Variants in BTBD7 observed in about 807,000 individuals in gnomAD.
BTBD7 encodes BTB/POZ domain-containing protein 7.
In BTBD7, 38 loss-of-function variants were observed where a neutral mutation model predicts 99.9. The ratio of observed to expected loss-of-function variants is 0.38; its 90% CI spans 0.29 to 0.50. BTBD7 has a LOEUF of 0.50. Among genes scored for constraint, BTBD7 ranks in the 20% least tolerant of loss-of-function variants. BTBD7 has a pLI of 0.93. For synonymous variants in BTBD7, 520 were observed against 511.4 expected (o/e 1.02, Z -0.23); for missense variants, 1,170 against 1,394.6 (o/e 0.84, Z 2.57).
chr14:93,271,144 TCTC>T (rs2052596544), intron 3 of BTBD7, among the ~76,000 whole-genome samples: 1 of 152,196 alleles, frequency 6.6e-6, no homozygotes, highest in Admixed American at 6.5e-5. Context: ...AATTTTTGTT[TCTC>T]CTCTTCATGT....
At chr14:93,258,631 C>T (rs186591398) in intron 5 of BTBD7, among the ~76,000 whole-genome samples, 2 of 152,216 alleles carry the variant, frequency 1.3e-5, no homozygotes, top group African/African-American at 4.8e-5. Flanking sequence ...GTTGCCCAGG[C>T]TAGAGTGCAG....
intron 1 of BTBD7, among the ~76,000 whole-genome samples, chr14:93,298,075 T>C (rs1420822498): frequency 6.6e-6 from 1 of 152,210 alleles, no homozygotes; most frequent in Non-Finnish European, 1.5e-5. Context: ...GCTTTTTTAT[T>C]TCTATTGACT....
chr14:93,302,347 G>A (rs954495927), intron 1 of BTBD7, among the ~76,000 whole-genome samples: 1 of 152,130 alleles, frequency 6.6e-6, no homozygotes, highest in South Asian at 2.1e-4. Flanking sequence ...ACGAAAAAAT[G>A]CTAGTGGGGG....
At position 93,239,815 on chromosome 14, in the gene BTBD7, T is replaced by G. The variant is rs551714513; in HGVS notation, c.*2458A>C. ...TTTATATTTCAGGGATATGAGAGAA[T>G]AGTTCATGAATTTTCAGAAAAATGA... On this transcript the variant is annotated 3_prime_UTR_variant, in exon 11 of 11. Coordinates refer to ENST00000334746, the MANE Select transcript of BTBD7 (RefSeq NM_001002860.4). 1.3e-5 allele frequency: 2 copies of G among 152,578 alleles called. No homozygotes were observed. The highest frequency in any genetic ancestry group is 3.9e-4 in the East Asian group (2 of 5,168). 9.5% of individuals were successfully genotyped at this position (152,578 alleles called of 1,614,324 possible).
At chr14:93,285,966 A>C (rs2052772323) in intron 3 of BTBD7, among the ~76,000 whole-genome samples, 2 of 152,320 alleles carry the variant, frequency 1.3e-5, no homozygotes, top group Middle Eastern at 3.4e-3. Flanking sequence ...TGGACTAAGG[A>C]AGGCTGCAGG....
chr14:93,332,825 A>G lies in BTBD7; in HGVS notation c.-112T>C. 6.8e-7 allele frequency: 1 copy of G among 1,476,352 alleles called. No individual in the cohort carries two copies. The highest frequency in any genetic ancestry group is 8.9e-7 in the Non-Finnish European group (1 of 1,120,042). The allele number at this position is 1,476,352 out of a possible 1,614,324, so 91.5% of individuals were successfully genotyped here. On this transcript the variant is annotated 5_prime_UTR_variant, in exon 1 of 11. Coordinates refer to ENST00000334746, the MANE Select transcript of BTBD7 (RefSeq NM_001002860.4). ...AGACACCAAGGGACACTCACCCCGGAGGCTCCTCCCGCCGCTGCTGCTGCC... is the reference window on the plus strand; with the variant it reads ...AGACACCAAGGGACACTCACCCCGGGGGCTCCTCCCGCCGCTGCTGCTGCC...
chr14:93,242,606 A>G lies in BTBD7; in HGVS notation c.3066T>C (p.Asn1022=). 1.9e-6 allele frequency: 3 copies of G among 1,614,192 alleles called. No homozygotes were observed. Among genetic ancestry groups the G allele is most frequent in the Non-Finnish European group, 2.5e-6 (3 of 1,180,046 alleles). Residue 1022 remains asparagine, a synonymous_variant, in exon 11 of 11, where the codon AAT becomes AAC. Transcript: ENST00000334746. Reference sequence around the variant, plus strand: ...CAACGACATCCAGGTGTATCGGCTCATTCTTTTGTCTGTGTAGATGCCCGT... The same window carrying G: ...CAACGACATCCAGGTGTATCGGCTCGTTCTTTTGTCTGTGTAGATGCCCGT... ...SPDGHLHRQK[N]EPIHLDVVEQ... is the part of the protein sequence containing the mutation.
At chr14:93,324,271 T>C (rs987125785) in intron 1 of BTBD7, among the ~76,000 whole-genome samples, 1 of 152,040 alleles carries the variant, frequency 6.6e-6, no homozygotes, top group Non-Finnish European at 1.5e-5. Context: ...ACCCTGCCTC[T>C]ACAAATAATT....
At chr14:93,255,989 T>A (rs1018387776) in intron 6 of BTBD7, 1 of 152,354 alleles carries the variant, frequency 6.6e-6, no homozygotes, top group African/African-American at 2.4e-5. Context: ...AAGTTTTGTT[T>A]TTATTTATTT....
intron 3 of BTBD7, among the ~76,000 whole-genome samples, chr14:93,279,275 T>A (rs1194230467): frequency 1.3e-5 from 2 of 152,196 alleles, no homozygotes; most frequent in African/African-American, 4.8e-5. Flanking sequence ...TACCTCTCTT[T>A]GCAACCCCAG....
At chr14:93,307,956 G>C (rs1049876553) in intron 1 of BTBD7, among the ~76,000 whole-genome samples, 1 of 152,100 alleles carries the variant, frequency 6.6e-6, no homozygotes, top group African/African-American at 2.4e-5. Flanking sequence ...ACTATTTCTT[G>C]GGATCCATAT....
chr14:93,291,230 A>C (rs2052851617), intron 3 of BTBD7, among the ~76,000 whole-genome samples: 1 of 152,104 alleles, frequency 6.6e-6, no homozygotes, highest in African/African-American at 2.4e-5. Flanking sequence ...TTAGCAGCTA[A>C]CATTTACTGA....
chr14:93,261,692 G>C lies in BTBD7; in HGVS notation c.1372-15C>G. 9 of 1,571,014 alleles carry C rather than the reference G, an allele frequency of 5.7e-6. No individual in the cohort carries two copies. The highest frequency in any genetic ancestry group is 7.8e-6 in the Non-Finnish European group (9 of 1,147,468). The stretch of plus-strand genomic sequence containing the variant: ...TGTTCACTTGCCTATAATAAAAAAT[G>C]GTTTATATTTATTTTAGTGAAATTA... On this transcript the variant is annotated splice_polypyrimidine_tract_variant and intron_variant, in intron 4 of 10. Coordinates refer to ENST00000334746, the MANE Select transcript of BTBD7 (RefSeq NM_001002860.4).
Position 93,294,559 on chromosome 14 carries a change from G to A in BTBD7, c.461C>T (p.Pro154Leu), listed in dbSNP as rs1289584901. 6.2e-7 allele frequency: 1 copy of A among 1,613,838 alleles called. No individual in the cohort carries two copies. The highest frequency in any genetic ancestry group is 8.5e-7 in the Non-Finnish European group (1 of 1,179,912). ...VDLIFQETCF[P>L]VHRAILAARC... ...TGCTGCCAAAATGGCACGATGAACA[G>A]GAAAACAAGTTTCTTGAAATATTAA... The change falls in exon 3 of 11, where the codon CCT becomes CTT. Residue 154 changes from proline to leucine, a missense_variant. Pro to Leu is a moderately conservative substitution (Grantham distance 98, BLOSUM62 -3). Coordinates refer to ENST00000334746, the MANE Select transcript of BTBD7 (RefSeq NM_001002860.4).
rs368551894 is a variant in BTBD7 at position 93,296,013 on chromosome 14, G to A, written c.39C>T (p.Ser13=). ...ANASNYPHSC[S]PRVGGNSQAQ... is the part of the protein sequence containing the mutation. ...CCTGTGAATTTCCCCCTACCCTCGG[G>A]GAACATGAATGAGGATAATTAGATG... The change falls in exon 2 of 11, where the codon TCC becomes TCT. Residue 13 remains serine, a synonymous_variant. Coordinates refer to ENST00000334746, the MANE Select transcript of BTBD7 (RefSeq NM_001002860.4). 69 of 1,613,864 alleles carry A rather than the reference G, an allele frequency of 4.3e-5. No individual in the cohort carries two copies. The highest frequency in any genetic ancestry group is 1.0e-4 in the Admixed American group (6 of 59,986).
At chr14:93,289,261 T>C (rs559830525) in intron 3 of BTBD7, among the ~76,000 whole-genome samples, 25 of 152,338 alleles carry the variant, frequency 1.6e-4, no homozygotes, top group African/African-American at 5.3e-4. Flanking sequence ...GCTCACTATA[T>C]GCAGAAGAAC....
chr14:93,332,580 G>A (rs1457036607), intron 1 of BTBD7, among the ~76,000 whole-genome samples: 8 of 151,310 alleles, frequency 5.3e-5, no homozygotes, highest in Non-Finnish European at 1.0e-4. Flanking sequence ...CAGGGACGGC[G>A]GCGCGCTCCA....
intron 1 of BTBD7, among the ~76,000 whole-genome samples, chr14:93,316,750 G>GA (rs1190877799): frequency 6.6e-6 from 1 of 152,214 alleles, no homozygotes. Context: ...CACAGTAATT[G>GA]AGCAGAGATG....
intron 1 of BTBD7, among the ~76,000 whole-genome samples, chr14:93,298,087 A>G (rs2139776308): frequency 6.6e-6 from 1 of 152,190 alleles, no homozygotes; most frequent in Non-Finnish European, 1.5e-5. Flanking sequence ...CTATTGACTG[A>G]GTAAATTTAG....
Sources: gnomAD v4.1 joint callset for allele counts (sites outside exome capture counted in the v4.1 genomes callset) on GRCh38, gnomAD v4.1.1 for gene constraint, MANE v1.5 for transcripts, NCBI Gene and HGNC (gene_info 2026-07-23, HGNC 2026-07-21) for gene names.